CNTN4: variants seen among roughly 807,000 people sequenced by gnomAD.
CNTN4 encodes the protein contactin 4, also known as contactin-4.
A neutral mutation model predicts 122.5 loss-of-function variants in CNTN4; 77 were observed. That is an observed-to-expected ratio of 0.63 (90% CI 0.52 to 0.76). CNTN4 has a LOEUF of 0.76. Among genes scored for constraint, CNTN4 ranks in the 30% least tolerant of loss-of-function variants. The pLI is 0.00. For synonymous variants in CNTN4, 512 were observed against 447.0 expected (o/e 1.15, Z -1.83); for missense variants, 1,256 against 1,259.1 (o/e 1.00, Z 0.04).
intron 12 of CNTN4, among the ~76,000 whole-genome samples, chr3:2,924,524 A>G (rs1487845386): frequency 6.6e-6 from 1 of 152,248 alleles, no homozygotes; most frequent in Non-Finnish European, 1.5e-5. Flanking sequence ...TAATTCAATT[A>G]ACTCAGAAGA....
At chr3:2,408,553 C>T (rs1434514802) in intron 3 of CNTN4, among the ~76,000 whole-genome samples, 3 of 152,100 alleles carry the variant, frequency 2.0e-5, no homozygotes, top group Non-Finnish European at 4.4e-5. Flanking sequence ...TGAAGAGAAT[C>T]TTCAATGTAT....
At chr3:2,960,175 G>C (rs17023645) in intron 13 of CNTN4, among the ~76,000 whole-genome samples, 8,343 of 152,194 alleles carry the variant, frequency 0.055, 330 homozygotes, top group Non-Finnish European at 0.078. Context: ...TACATCCCTA[G>C]TGAAAATTGG....
chr3:2,711,984 A>T (rs71311719), intron 4 of CNTN4, among the ~76,000 whole-genome samples: 9,676 of 152,258 alleles, frequency 0.064, 399 homozygotes, highest in Middle Eastern at 0.099. Context: ...AAAAAATGTT[A>T]TTTATGGGAT....
At chr3:2,115,095 C>G (rs900358701) in intron 2 of CNTN4, among the ~76,000 whole-genome samples, 10 of 152,208 alleles carry the variant, frequency 6.6e-5, no homozygotes, top group Admixed American at 3.9e-4. Context: ...TGAGGCCTCT[C>G]TGATGAGCCT....
chr3:2,231,755 T>C (rs1375015769), intron 2 of CNTN4, among the ~76,000 whole-genome samples: 4 of 152,234 alleles, frequency 2.6e-5, no homozygotes, highest in Non-Finnish European at 5.9e-5. Flanking sequence ...GATTAAAATG[T>C]AATTTTACTA....
intron 6 of CNTN4, among the ~76,000 whole-genome samples, chr3:2,754,680 C>A (rs769230952): frequency 2.5e-4 from 38 of 150,976 alleles, no homozygotes; most frequent in Admixed American, 4.6e-4. Flanking sequence ...TCATTTTGGC[C>A]TTCCTGTGAC....
At chr3:2,757,898 TC>T (rs1383184426) in intron 6 of CNTN4, among the ~76,000 whole-genome samples, 1 of 152,200 alleles carries the variant, frequency 6.6e-6, no homozygotes, top group Non-Finnish European at 1.5e-5. Context: ...AGGTAATTTA[TC>T]CCTGAAATAT....
chr3:2,677,088 T>A (rs1157747115), intron 4 of CNTN4, among the ~76,000 whole-genome samples: 1 of 151,936 alleles, frequency 6.6e-6, no homozygotes, highest in Non-Finnish European at 1.5e-5. Flanking sequence ...CACACTGGAT[T>A]CTATTCTCTC....
In CNTN4 at chr3:3,054,987, A is replaced by T. The variant is rs1173591769; in HGVS notation, c.2980+1012A>T. On this transcript the variant is annotated intron_variant, in intron 24 of 24. Transcript: ENST00000418658. Reference sequence around the variant, plus strand: ...TTTTCAAGACATTGGTAAAAAGATGATATTTTAAATTATGGACAAAATCCT... The same window carrying T: ...TTTTCAAGACATTGGTAAAAAGATGTTATTTTAAATTATGGACAAAATCCT... Among the ~76,000 whole-genome samples the T allele has an allele frequency of 1.1e-4, 17 of 152,294 alleles. 1 individual carries two copies. In the East Asian group the frequency reaches 3.3e-3, roughly 29 times the overall value.
intron 3 of CNTN4, among the ~76,000 whole-genome samples, chr3:2,380,966 A>G (rs2045995073): frequency 6.6e-6 from 1 of 151,556 alleles, no homozygotes; most frequent in Non-Finnish European, 1.5e-5. Context: ...ATGTTTCCAA[A>G]TTTTTAAACC....
At chr3:2,928,124 T>C (rs1439753405) in intron 13 of CNTN4, among the ~76,000 whole-genome samples, 1 of 152,238 alleles carries the variant, frequency 6.6e-6, no homozygotes, top group African/African-American at 2.4e-5. Flanking sequence ...CTTCTTGTTC[T>C]TCAAGAGAAA....
chr3:2,959,325 T>C (rs981053053), intron 13 of CNTN4, among the ~76,000 whole-genome samples: 2 of 152,206 alleles, frequency 1.3e-5, no homozygotes, highest in Admixed American at 1.3e-4. Context: ...AGGCAGTCTA[T>C]TTCCAGTTTA....
intron 3 of CNTN4, among the ~76,000 whole-genome samples, chr3:2,340,708 T>TAGAG (rs1414538595): frequency 9.5e-4 from 24 of 25,370 alleles, no homozygotes; most frequent in African/African-American, 1.6e-3. Flanking sequence ...TATATATATA[T>TAGAG]ATAGAGAGAG....
Position 2,733,585 on chromosome 3 carries a change from G to A in CNTN4, c.56-2630G>A, listed in dbSNP as rs145373432. ...GTCTCACAGCATCGCCTGGGCTGGA[G>A]TTCAGTGGTGTGATCTCGGTTCACT... On this transcript the variant is annotated intron_variant, in intron 4 of 24. Transcript: ENST00000418658. Among the ~76,000 whole-genome samples the A allele has an allele frequency of 3.5e-3, 503 of 144,196 alleles. 3 individuals are homozygous for A. The highest frequency in any genetic ancestry group is 0.011 in the Middle Eastern group (3 of 284). 94.6% of individuals were successfully genotyped at this position (144,196 alleles called of 152,430 possible).
intron 4 of CNTN4, among the ~76,000 whole-genome samples, chr3:2,717,105 T>C (rs1409623940): frequency 6.6e-6 from 1 of 152,128 alleles, no homozygotes; most frequent in African/African-American, 2.4e-5. Context: ...CAGACCTGTG[T>C]TTTCAATTCT....
intron 10 of CNTN4, chr3:2,892,294 C>T (rs148638572): frequency 6.6e-6 from 1 of 152,284 alleles, no homozygotes; most frequent in African/African-American, 2.4e-5. Context: ...ATTTGCATTT[C>T]TAGTAAGTTC....
intron 3 of CNTN4, among the ~76,000 whole-genome samples, chr3:2,450,841 C>T (rs891423718): frequency 2.0e-5 from 3 of 152,180 alleles, no homozygotes; most frequent in Non-Finnish European, 4.4e-5. Context: ...AAAGAAAATA[C>T]CTGGCTGGGC....
intron 2 of CNTN4, among the ~76,000 whole-genome samples, chr3:2,190,640 A>G (rs1022871092): frequency 4.6e-5 from 7 of 152,050 alleles, no homozygotes; most frequent in Admixed American, 4.6e-4. Context: ...GGAGGGCAGT[A>G]AAAGATGAAG....
intron 4 of CNTN4, among the ~76,000 whole-genome samples, chr3:2,735,650 CT>C (rs765443909): frequency 7.9e-5 from 12 of 152,140 alleles, no homozygotes; most frequent in Non-Finnish European, 1.5e-4. Context: ...GAACCTAGTC[CT>C]TCGCTGCAGA....
Sources: gnomAD v4.1 joint callset for allele counts (sites outside exome capture counted in the v4.1 genomes callset) on GRCh38, gnomAD v4.1.1 for gene constraint, MANE v1.5 for transcripts, NCBI Gene and HGNC (gene_info 2026-07-23, HGNC 2026-07-21) for gene names.